IGSF11: variants seen among roughly 807,000 people sequenced by gnomAD.
IGSF11 encodes CXADR like 1.
In IGSF11, 22 loss-of-function variants were observed where a neutral mutation model predicts 41.0. That is an observed-to-expected ratio of 0.54 (90% CI 0.38 to 0.77). IGSF11 has a LOEUF of 0.77. Ranked by LOEUF, IGSF11 falls within the 30% of genes least tolerant of loss-of-function variation. IGSF11 has a pLI of 0.00. For missense variants in IGSF11, 444 were observed against 530.8 expected (o/e 0.84, Z 1.61); for synonymous variants, 219 against 201.3 (o/e 1.09, Z -0.74).
intron 1 of IGSF11, among the ~76,000 whole-genome samples, chr3:119,032,400 C>G (rs1321938457): frequency 6.6e-6 from 1 of 152,232 alleles, no homozygotes; most frequent in African/African-American, 2.4e-5. Context: ...CTAGCACAAA[C>G]AGGCGTGCTA....
At chr3:118,945,594 T>C (rs866798715) in intron 1 of IGSF11, among the ~76,000 whole-genome samples, 14 of 152,134 alleles carry the variant, frequency 9.2e-5, no homozygotes, top group Non-Finnish European at 1.8e-4. Flanking sequence ...AAGGAAAGAA[T>C]AGAGGAAGAT....
rs1282216116 is a variant in IGSF11, at chr3:118,928,631, G to T, written c.302C>A (p.Thr101Asn). The change falls in exon 3 of 7, where the codon ACC becomes AAC. Residue 101 changes from threonine to asparagine, a missense_variant. By Grantham distance (65) the Thr-to-Asn change is moderately conservative. This residue lies in a region of IGSF11 where 193 missense variants were observed against 283.5 expected (regional missense o/e 0.68). Transcript: ENST00000393775. ...GTTATTAATGAAGATAGAGACATTGGTAGCTGGCATGGTGCCTGTAAATCC... is the reference window on the plus strand; with the variant it reads ...GTTATTAATGAAGATAGAGACATTGTTAGCTGGCATGGTGCCTGTAAATCC... Reference protein sequence around the residue: ...RVGFTGTMPATNVSIFINNTQ... With the variant: ...RVGFTGTMPANNVSIFINNTQ... 2 of 1,614,092 alleles carry T rather than the reference G, an allele frequency of 1.2e-6. No individual in the cohort carries two copies. The highest frequency in any genetic ancestry group is 4.5e-5 in the East Asian group (2 of 44,876).
chr3:118,952,695 G>T (rs2107584935), intron 1 of IGSF11, among the ~76,000 whole-genome samples: 1 of 152,118 alleles, frequency 6.6e-6, no homozygotes, highest in South Asian at 2.1e-4. Flanking sequence ...AATTTCCCAT[G>T]ATTTTTTCAG....
At chr3:119,136,086 A>T (rs1225628030) in intron 1 of IGSF11, among the ~76,000 whole-genome samples, 1 of 152,200 alleles carries the variant, frequency 6.6e-6, no homozygotes, top group East Asian at 1.9e-4. Flanking sequence ...TGGGGTAGGG[A>T]TAGCATTAGG....
chr3:118,959,947 A>ACTC (rs1945226366), intron 1 of IGSF11, among the ~76,000 whole-genome samples: 1 of 151,794 alleles, frequency 6.6e-6, no homozygotes, highest in Non-Finnish European at 1.5e-5. Flanking sequence ...CGGGAGGCTG[A>ACTC]GGCAGGAGAA....
chr3:119,064,533 T>C (rs1387653537), intron 1 of IGSF11, among the ~76,000 whole-genome samples: 4 of 148,590 alleles, frequency 2.7e-5, no homozygotes, highest in Admixed American at 6.7e-5. Context: ...TTTTTTTTTT[T>C]CCATGTGAAC....
chr3:119,108,309 T>C (rs1404538556), upstream of IGSF11, among the ~76,000 whole-genome samples: 1 of 139,116 alleles, frequency 7.2e-6, no homozygotes, highest in Non-Finnish European at 1.6e-5. Flanking sequence ...TTCACATCTC[T>C]TGTAAGTTGG....
At chr3:119,035,179 T>C (rs1461040761), upstream of IGSF11, among the ~76,000 whole-genome samples, 1 of 152,238 alleles carries the variant, frequency 6.6e-6, no homozygotes, top group Non-Finnish European at 1.5e-5. Flanking sequence ...TGATGCATCC[T>C]GGAGAGCTCT....
intron 1 of IGSF11, among the ~76,000 whole-genome samples, chr3:118,977,256 CATAAGTTTAT>C (rs1198498303): frequency 6.6e-6 from 1 of 152,166 alleles, no homozygotes; most frequent in African/African-American, 2.4e-5. Flanking sequence ...CCTTGGTTTG[CATAAGTTTAT>C]TTTTTGAGGT....
chr3:119,019,061 T>G (rs1939028816), intron 1 of IGSF11, among the ~76,000 whole-genome samples: 2 of 152,196 alleles, frequency 1.3e-5, no homozygotes, highest in African/African-American at 4.8e-5. Flanking sequence ...GAGGGTTTTC[T>G]TAAAAGAAAG....
intron 1 of IGSF11, among the ~76,000 whole-genome samples, chr3:119,068,767 A>G (rs939136771): frequency 2.6e-5 from 4 of 152,206 alleles, no homozygotes; most frequent in African/African-American, 9.6e-5. Context: ...GCAGAACAGT[A>G]TTTTAAAATA....
chr3:118,950,343 C>A (rs1030732829), intron 1 of IGSF11, among the ~76,000 whole-genome samples: 6 of 152,050 alleles, frequency 3.9e-5, no homozygotes, highest in African/African-American at 1.5e-4. Context: ...CTTCAAATCA[C>A]CATTAAGGTT....
At chr3:119,035,113 C>G (rs1940828438), upstream of IGSF11, among the ~76,000 whole-genome samples, 1 of 152,150 alleles carries the variant, frequency 6.6e-6, no homozygotes, top group East Asian at 1.9e-4. Context: ...CCCTCCTCGC[C>G]GGAGTTAGGG....
intron 1 of IGSF11, among the ~76,000 whole-genome samples, chr3:118,962,676 C>T (rs144934304): frequency 9.7e-4 from 148 of 151,998 alleles, no homozygotes; most frequent in African/African-American, 3.2e-3. Flanking sequence ...ACAAAAAAGT[C>T]GGCCATCAAG....
intron 4 of IGSF11, among the ~76,000 whole-genome samples, chr3:118,910,101 G>A (rs1298977324): frequency 6.6e-6 from 1 of 152,158 alleles, no homozygotes; most frequent in African/African-American, 2.4e-5. Flanking sequence ...CACTTCTGTT[G>A]ACTCTGCTTT....
chr3:119,057,136 G>C (rs1941873438), intron 1 of IGSF11, among the ~76,000 whole-genome samples: 2 of 152,032 alleles, frequency 1.3e-5, no homozygotes, highest in Admixed American at 6.5e-5. Flanking sequence ...AATTAGGCAG[G>C]AGAAGGAAAT....
chr3:118,905,205 A>G (rs1003538376), intron 5 of IGSF11, among the ~76,000 whole-genome samples: 7 of 152,180 alleles, frequency 4.6e-5, no homozygotes, highest in Admixed American at 4.6e-4. Flanking sequence ...ATTCTCAACT[A>G]AAGAGAAGTT....
chr3:119,009,372 C>A (rs980183470), intron 1 of IGSF11, among the ~76,000 whole-genome samples: 2 of 152,208 alleles, frequency 1.3e-5, no homozygotes, highest in Middle Eastern at 3.4e-3. Flanking sequence ...GAATTGTAAT[C>A]CCCACGTGTC....
intron 4 of IGSF11, among the ~76,000 whole-genome samples, chr3:118,923,523 T>C (rs545652700): frequency 6.6e-5 from 10 of 152,316 alleles, no homozygotes; most frequent in Admixed American, 4.6e-4. Context: ...ATGTCCTTTA[T>C]AGCTATTTCT....
Sources: allele counts gnomAD v4.1 joint callset (sites outside exome capture counted in the v4.1 genomes callset), GRCh38; gene constraint gnomAD v4.1.1; regional missense constraint gnomAD v4.1.1; transcripts MANE v1.5; gene names NCBI Gene and HGNC (gene_info 2026-07-23, HGNC 2026-07-21).